SPECC1L: variants seen among roughly 807,000 people sequenced by gnomAD.
The protein encoded by SPECC1L is sperm antigen with calponin homology and coiled-coil domains 1 like.
A neutral mutation model predicts 116.8 loss-of-function variants in SPECC1L; 40 were observed. The observed-to-expected ratio is 0.34, with a 90% CI of 0.27 to 0.45. The LOEUF (loss-of-function observed/expected upper bound fraction) is 0.45, where lower values mean the gene tolerates loss of function less well. Among genes scored for constraint, SPECC1L ranks in the 20% least tolerant of loss-of-function variants. The pLI is 1.00. For missense variants in SPECC1L, 1,110 were observed against 1,373.6 expected, an observed-to-expected ratio of 0.81 and a Z score of 3.03; for synonymous variants, 504 against 500.6, an observed-to-expected ratio of 1.01 and a Z score of -0.09.
At chr22:24,285,231 A>G (rs1399115717) in intron 2 of SPECC1L, among the ~76,000 whole-genome samples, 1 of 152,190 alleles carries the variant, frequency 6.6e-6, no homozygotes, top group African/African-American at 2.4e-5. Flanking sequence ...AGAAGAAAGT[A>G]AGTTTAGGAT....
At chr22:24,376,485 CTA>C (rs541090458) in intron 14 of SPECC1L, among the ~76,000 whole-genome samples, 48 of 152,086 alleles carry the variant, frequency 3.2e-4, no homozygotes, top group Non-Finnish European at 5.9e-4. Context: ...AAAGAATAAA[CTA>C]TTTAGGAATA....
chr22:24,310,581 T>C (rs1238979215), intron 3 of SPECC1L, among the ~76,000 whole-genome samples: 1 of 152,148 alleles, frequency 6.6e-6, no homozygotes, highest in Non-Finnish European at 1.5e-5. Context: ...CATTATGAGT[T>C]AGGTTGATCA....
intron 10 of SPECC1L, among the ~76,000 whole-genome samples, chr22:24,345,083 G>A (rs1014228398): frequency 6.6e-6 from 1 of 152,128 alleles, no homozygotes. Context: ...TTGTGGTCGG[G>A]GGGGTGCGGG....
intron 14 of SPECC1L, among the ~76,000 whole-genome samples, chr22:24,406,329 A>G: frequency 6.6e-6 from 1 of 152,184 alleles, no homozygotes; most frequent in South Asian, 2.1e-4. Flanking sequence ...TGAGGGCCCC[A>G]GGATCAGGGG....
intron 11 of SPECC1L, among the ~76,000 whole-genome samples, chr22:24,359,350 C>T (rs528385279): frequency 6.6e-6 from 1 of 152,306 alleles, no homozygotes; most frequent in South Asian, 2.1e-4. Flanking sequence ...TCAGACTTTT[C>T]TTCTGCACTC....
intron 10 of SPECC1L, 87 bp downstream of exon 10, chr22:24,338,564 A>G: frequency 8.4e-7 from 1 of 1,187,864 alleles, no homozygotes; most frequent in Non-Finnish European, 1.3e-6. Flanking sequence ...CACCTGTATT[A>G]GTTGGGTAAA....
Position 24,289,918 on chromosome 22 carries a change from A to G in SPECC1L, c.-37-12277A>G, listed in dbSNP as rs540711539. ...ACTTTCATAGTTAAACGACAATGGC[A>G]ACATCAACAAAGTGTCTCTGCCTCC... On this transcript the variant is annotated intron_variant, in intron 2 of 16. Coordinates refer to ENST00000314328, the MANE Select transcript of SPECC1L (RefSeq NM_015330.6). 2.0e-5 allele frequency among the ~76,000 whole-genome samples: 3 copies of G among 152,278 alleles called. No individual in the cohort carries two copies. In the East Asian group the frequency reaches 5.8e-4, roughly 29 times the overall value.
At chr22:24,292,274 T>A (rs1383932640) in intron 2 of SPECC1L, among the ~76,000 whole-genome samples, 1 of 152,148 alleles carries the variant, frequency 6.6e-6, no homozygotes, top group East Asian at 1.9e-4. Context: ...TTTCTGAAAC[T>A]TGATTGGTGT....
At chr22:24,271,592 G>A (rs185744711) in intron 1 of SPECC1L, among the ~76,000 whole-genome samples, 1 of 152,362 alleles carries the variant, frequency 6.6e-6, no homozygotes. Context: ...GCGTTTCCAG[G>A]AATTTGGTAA....
At chr22:24,412,627 G>A in intron 15 of SPECC1L, 21 bp from the exon 16 acceptor site, 2 of 1,613,990 alleles carry the variant, frequency 1.2e-6, no homozygotes, top group Non-Finnish European at 8.5e-7. Context: ...ATGCACTGCA[G>A]TGACACAGTT....
chr22:24,389,848 C>T (rs1308033893), intron 14 of SPECC1L, among the ~76,000 whole-genome samples: 2 of 152,130 alleles, frequency 1.3e-5, no homozygotes, highest in African/African-American at 4.8e-5. Context: ...ACCTGCACAA[C>T]CCAGGCATGA....
chr22:24,310,223 T>C (rs142266078), intron 3 of SPECC1L, among the ~76,000 whole-genome samples: 15 of 152,378 alleles, frequency 9.8e-5, no homozygotes, highest in African/African-American at 3.6e-4. Context: ...CCTCATTGTA[T>C]TCACTAAAGT....
intron 14 of SPECC1L, among the ~76,000 whole-genome samples, chr22:24,370,214 C>T (rs372896086): frequency 1.2e-4 from 18 of 152,316 alleles, no homozygotes; most frequent in East Asian, 7.7e-4. Flanking sequence ...TGAATTTGTA[C>T]ATGACTTTAA....
At chr22:24,374,449 A>G (rs1241165483) in intron 14 of SPECC1L, among the ~76,000 whole-genome samples, 4 of 152,132 alleles carry the variant, frequency 2.6e-5, no homozygotes, top group Non-Finnish European at 5.9e-5. Flanking sequence ...GCCATAAAAA[A>G]TGATGAGTTC....
chr22:24,412,894 C>T (rs2042727740), intron 16 of SPECC1L, among the ~76,000 whole-genome samples, 187 bp downstream of exon 16: 1 of 145,072 alleles, frequency 6.9e-6, no homozygotes, highest in Admixed American at 7.1e-5. Context: ...ATCTTGTGTC[C>T]TGGCCCCCAG....
chr22:24,385,095 A>C (rs1210501760), intron 14 of SPECC1L, among the ~76,000 whole-genome samples: 2 of 151,656 alleles, frequency 1.3e-5, no homozygotes, highest in South Asian at 4.2e-4. Flanking sequence ...AATGTAAACT[A>C]CCTCATTTAA....
intron 11 of SPECC1L, 66 bp downstream of exon 11, chr22:24,347,242 C>A (rs761017130): frequency 1.6e-6 from 2 of 1,222,096 alleles, no homozygotes; most frequent in Admixed American, 1.7e-5. Context: ...GCTTTTTTGG[C>A]AAACTAAATA....
intron 2 of SPECC1L, among the ~76,000 whole-genome samples, chr22:24,294,728 G>T (rs1254217625): frequency 6.6e-6 from 1 of 152,034 alleles, no homozygotes; most frequent in Non-Finnish European, 1.5e-5. Flanking sequence ...TCCTTGACTA[G>T]GTTCCCAGAG....
At position 24,416,950 on chromosome 22, in the gene SPECC1L, G is replaced by A. The variant is rs2042811479; in HGVS notation, c.*2327G>A. On this transcript the variant is annotated 3_prime_UTR_variant, in exon 17 of 17. Transcript: ENST00000314328. The stretch of plus-strand genomic sequence containing the variant: ...TGCGTGCAGAGCTGCAAGGGAGAGG[G>A]TTCCAGAAGCATTGCCTTTTGCCTC... 6.6e-6 allele frequency: 1 copy of A among 152,350 alleles called. No individual in the cohort carries two copies. The highest frequency in any genetic ancestry group is 2.4e-5 in the African/African-American group (1 of 41,474). The allele number at this position is 152,350 out of a possible 1,614,324, so 9.4% of individuals were successfully genotyped here. A position where few individuals can be genotyped will look rare whatever the true frequency, so the allele number is the denominator to read the frequency against.
Sources: allele counts gnomAD v4.1 joint callset (sites outside exome capture counted in the v4.1 genomes callset), GRCh38; gene constraint gnomAD v4.1.1; transcripts MANE v1.5; gene names NCBI Gene and HGNC (gene_info 2026-07-23, HGNC 2026-07-21).